Variants in MID1 observed in about 807,000 individuals in gnomAD.
MID1 encodes midline 1.
MID1 carries 7 observed loss-of-function variants against 40.4 expected under a neutral mutation model. The ratio of observed to expected loss-of-function variants is 0.17; its 90% CI spans 0.10 to 0.33. The LOEUF (loss-of-function observed/expected upper bound fraction) is 0.33. Among genes scored for constraint, MID1 ranks in the 10% least tolerant of loss-of-function variants. The pLI is 1.00. For missense variants in MID1, 367 were observed against 558.5 expected, an observed-to-expected ratio of 0.66 and a Z score of 3.46; for synonymous variants, 229 against 221.2, an observed-to-expected ratio of 1.04 and a Z score of -0.31.
At chrX:10,464,423 T>C (rs1024376601) in intron 7 of MID1, among the ~76,000 whole-genome samples, 1 of 112,097 alleles carries the variant, frequency 8.9e-6, no homozygotes, top group African/African-American at 3.2e-5. Flanking sequence ...GAGGTGAAGC[T>C]CTGGTATTGA....
At chrX:10,553,223 G>T (rs1602393544) in intron 2 of MID1, among the ~76,000 whole-genome samples, 1 of 107,530 alleles carries the variant, frequency 9.3e-6, no homozygotes, top group East Asian at 2.8e-4. Flanking sequence ...ACTCCAGCCT[G>T]GGCTATGCAG....
At chrX:10,498,945 A>C (rs1333193011) in intron 3 of MID1, among the ~76,000 whole-genome samples, 1 of 111,662 alleles carries the variant, frequency 9.0e-6, no homozygotes, top group Non-Finnish European at 1.9e-5. Context: ...GCCCATATAT[A>C]TTCATTTTTC....
chrX:10,607,729 G>A lies in MID1; in HGVS notation c.-57+12561C>T, dbSNP rs145871681. ...AGCAATTTTTCCTGATACCTAATGT[G>A]TCTATTCCTAAAGTGAAGTTAGGTG... On this transcript the variant is annotated intron_variant, in intron 1 of 9. Coordinates refer to ENST00000317552, the MANE Select transcript of MID1 (RefSeq NM_000381.4). Among the ~76,000 whole-genome samples, 948 of 112,480 alleles carry A rather than the reference G, an allele frequency of 8.4e-3. 8 individuals are homozygous for A. The highest frequency in any genetic ancestry group is 0.029 in the African/African-American group (900 of 30,969).
At chrX:10,548,041 T>C (rs1401867285) in intron 2 of MID1, among the ~76,000 whole-genome samples, 1 of 112,230 alleles carries the variant, frequency 8.9e-6, no homozygotes, top group Non-Finnish European at 1.9e-5. Flanking sequence ...ACACATACCA[T>C]AGAACTAGGC....
At chrX:10,521,607 TG>T (rs1569082690) in intron 3 of MID1, among the ~76,000 whole-genome samples, 2 of 111,482 alleles carry the variant, frequency 1.8e-5, no homozygotes, top group African/African-American at 6.5e-5. Flanking sequence ...TGGGAGAAGA[TG>T]GAAGAGGAAT....
At chrX:10,814,598 T>TGC (rs1292230281) in intron 1 of MID1, among the ~76,000 whole-genome samples, 1 of 109,562 alleles carries the variant, frequency 9.1e-6, no homozygotes, top group African/African-American at 3.4e-5. Context: ...TGTGTGTGTG[T>TGC]GTGCGTGTGT....
At chrX:10,649,231 A>T (rs1936292856) in intron 1 of MID1, among the ~76,000 whole-genome samples, 1 of 111,962 alleles carries the variant, frequency 8.9e-6, no homozygotes, top group South Asian at 3.7e-4. Flanking sequence ...GTAAGTGGGT[A>T]TTATACATGC....
chrX:10,571,563 A>C (rs904930879), intron 1 of MID1, among the ~76,000 whole-genome samples: 1 of 107,568 alleles, frequency 9.3e-6, no homozygotes, highest in Non-Finnish European at 1.9e-5. Context: ...TCCTGAGACA[A>C]GTACTGGTAA....
intron 2 of MID1, among the ~76,000 whole-genome samples, chrX:10,534,732 G>A (rs1433939616): frequency 1.8e-5 from 2 of 111,551 alleles, no homozygotes; most frequent in African/African-American, 6.5e-5. Context: ...GGCCAAGGGA[G>A]GTCACACTCT....
chrX:10,703,530 G>A (rs184177483), intron 1 of MID1, among the ~76,000 whole-genome samples: 5 of 110,888 alleles, frequency 4.5e-5, no homozygotes, highest in African/African-American at 6.6e-5. Context: ...AGCCGGGTGC[G>A]GTGGTGCGCA....
intron 1 of MID1, among the ~76,000 whole-genome samples, chrX:10,670,304 A>G (rs769856742): frequency 8.9e-6 from 1 of 112,144 alleles, no homozygotes; most frequent in South Asian, 3.7e-4. Context: ...CCTTTCAGTA[A>G]TATCTCTTGG....
At chrX:10,499,686 A>G (rs1305589345) in intron 3 of MID1, among the ~76,000 whole-genome samples, 2 of 112,227 alleles carry the variant, frequency 1.8e-5, no homozygotes, top group African/African-American at 6.5e-5. Flanking sequence ...TTGAAAGACT[A>G]TTCTTTCTTT....
chrX:10,609,156 T>TACACACAC (rs369473330), intron 1 of MID1, among the ~76,000 whole-genome samples: 63 of 107,002 alleles, frequency 5.9e-4, no homozygotes, highest in African/African-American at 2.0e-3. Flanking sequence ...CACACGTGCA[T>TACACACAC]ACACACACAC....
chrX:10,663,734 G>A (rs149493336), intron 1 of MID1, among the ~76,000 whole-genome samples: 2,135 of 111,492 alleles, frequency 0.019, 47 homozygotes, highest in African/African-American at 0.066. Flanking sequence ...TAGCAAGCTC[G>A]TAGAATTATG....
intron 1 of MID1, among the ~76,000 whole-genome samples, chrX:10,635,818 TA>T (rs1189220102): frequency 8.9e-6 from 1 of 112,075 alleles, no homozygotes; most frequent in Non-Finnish European, 1.9e-5. Flanking sequence ...AACAATAACA[TA>T]AAAACACTTA....
chrX:10,456,669 TCTACTAAAAATACAAAA>T (rs2147262572), intron 8 of MID1, among the ~76,000 whole-genome samples: 1 of 111,360 alleles, frequency 9.0e-6, no homozygotes, highest in South Asian at 3.8e-4. Flanking sequence ...AAACCCCATC[TCTACTAAAAATACAAAA>T]ATTAGCTGGG....
At chrX:10,796,495 T>C (rs1019969724) in intron 1 of MID1, among the ~76,000 whole-genome samples, 1 of 108,402 alleles carries the variant, frequency 9.2e-6, no homozygotes, top group South Asian at 4.2e-4. Context: ...GCATTTTTGT[T>C]TGGGCCAAAG....
intron 1 of MID1, among the ~76,000 whole-genome samples, chrX:10,765,933 GAAAGGA>G (rs1267774223): frequency 1.3e-5 from 1 of 74,624 alleles, no homozygotes; most frequent in African/African-American, 6.2e-5. Context: ...GAAAGGAAAG[GAAAGGA>G]AAGGAAAGAA....
intron 9 of MID1, among the ~76,000 whole-genome samples, chrX:10,453,296 G>C (rs1792194280): frequency 8.9e-6 from 1 of 111,819 alleles, no homozygotes; most frequent in Admixed American, 9.5e-5. Flanking sequence ...AAAGGACTCA[G>C]CCATGTCACA....
Sources: gnomAD v4.1 joint callset for allele counts (sites outside exome capture counted in the v4.1 genomes callset) on GRCh38, gnomAD v4.1.1 for gene constraint, MANE v1.5 for transcripts, NCBI Gene and HGNC (gene_info 2026-07-23, HGNC 2026-07-21) for gene names.